Variants in DAB2 observed in about 807,000 individuals in gnomAD.
DAB2 encodes DAB adaptor protein 2, also known as disabled homolog 2.
A neutral mutation model predicts 71.6 loss-of-function variants in DAB2; 28 were observed. That is an observed-to-expected ratio of 0.39 (90% CI 0.29 to 0.54). DAB2 has a LOEUF of 0.54. Ranked by LOEUF, DAB2 falls within the 20% of genes least tolerant of loss-of-function variation. The pLI is 0.68. For synonymous variants in DAB2, 345 were observed against 339.7 expected (o/e 1.02, Z -0.17); for missense variants, 867 against 928.8 (o/e 0.93, Z 0.86).
chr5:39,390,550 T>G lies in DAB2; in HGVS notation c.356A>C (p.Asn119Thr), dbSNP rs756729445. 3 of 1,613,300 alleles carry G rather than the reference T, an allele frequency of 1.9e-6. No individual in the cohort carries two copies. Among genetic ancestry groups the G allele is most frequent in the Non-Finnish European group, 2.5e-6 (3 of 1,179,354 alleles). The change falls in exon 5 of 15, where the codon AAT becomes ACT. Residue 119 changes from asparagine to threonine, a missense_variant. By Grantham distance (65) the Asn-to-Thr change is moderately conservative. Coordinates refer to ENST00000320816, the MANE Select transcript of DAB2 (RefSeq NM_001343.4). ...TGVIEHEHPV[N>T]KISFIARDVT... The stretch of plus-strand genomic sequence containing the variant: ...ATCACGGGCAATGAAAGAAATCTTA[T>G]TTACTGGATGTTCATGCTCTATTAC...
chr5:39,390,131 T>G (rs986769548), intron 5 of DAB2, among the ~76,000 whole-genome samples, 199 bp from the exon 6 acceptor site: 1 of 152,094 alleles, frequency 6.6e-6, no homozygotes, highest in Non-Finnish European at 1.5e-5. Flanking sequence ...TAATAAGTAT[T>G]TAGACAAAAC....
intron 11 of DAB2, among the ~76,000 whole-genome samples, chr5:39,377,819 CT>C (rs959658373): frequency 6.6e-6 from 1 of 152,156 alleles, no homozygotes; most frequent in Non-Finnish European, 1.5e-5. Context: ...TGCACAAGAC[CT>C]CAACATGCTT....
intron 14 of DAB2, among the ~76,000 whole-genome samples, chr5:39,374,267 C>T (rs544986032): frequency 7.0e-6 from 1 of 142,036 alleles, no homozygotes; most frequent in Non-Finnish European, 1.6e-5. Flanking sequence ...AGCTGGCCTA[C>T]CTGCTCTAAA....
At chr5:39,419,664 C>T (rs1345834158) in intron 1 of DAB2, among the ~76,000 whole-genome samples, 1 of 152,086 alleles carries the variant, frequency 6.6e-6, no homozygotes, top group Non-Finnish European at 1.5e-5. Flanking sequence ...GGGTAATGAT[C>T]TAGTTTACTG....
chr5:39,401,222 T>C (rs555147682), intron 1 of DAB2, among the ~76,000 whole-genome samples: 1 of 152,328 alleles, frequency 6.6e-6, no homozygotes, highest in African/African-American at 2.4e-5. Flanking sequence ...AAGGAGTCCT[T>C]AGAAGATTTT....
intron 1 of DAB2, among the ~76,000 whole-genome samples, chr5:39,397,787 T>C (rs1579915261): frequency 6.6e-6 from 1 of 152,192 alleles, no homozygotes; most frequent in Non-Finnish European, 1.5e-5. Flanking sequence ...TTAAAAACCA[T>C]ATTATTTTGG....
intron 1 of DAB2, among the ~76,000 whole-genome samples, chr5:39,407,504 C>T (rs1755634159): frequency 2.0e-5 from 3 of 152,192 alleles, no homozygotes; most frequent in Admixed American, 6.5e-5. Flanking sequence ...CCCGGCCCAC[C>T]ATGCTAGTTT....
intron 1 of DAB2, among the ~76,000 whole-genome samples, chr5:39,407,947 C>T (rs74750286): frequency 0.015 from 2,252 of 152,256 alleles, 43 homozygotes; most frequent in African/African-American, 0.052. Context: ...TCTCCTCTTC[C>T]GAAAACCAGT....
intron 1 of DAB2, among the ~76,000 whole-genome samples, chr5:39,419,336 A>T (rs1425408076): frequency 2.0e-5 from 3 of 152,210 alleles, no homozygotes; most frequent in Non-Finnish European, 4.4e-5. Context: ...ATAGTAGGTA[A>T]TTGCTAAGTA....
intron 1 of DAB2, among the ~76,000 whole-genome samples, chr5:39,420,335 GACA>G (rs1755951000): frequency 6.6e-6 from 1 of 152,156 alleles, no homozygotes; most frequent in Non-Finnish European, 1.5e-5. Flanking sequence ...TTTACCAAGA[GACA>G]ACATTAAACC....
chr5:39,392,314 G>A, intron 4 of DAB2, 51 bp downstream of exon 4: 2 of 1,385,996 alleles, frequency 1.4e-6, no homozygotes, highest in Non-Finnish European at 2.1e-6. Flanking sequence ...GTAGCAAATT[G>A]TTGGTCAGAC....
Position 39,390,528 on chromosome 5 carries a change from A to G in DAB2, c.378T>C (p.Arg126=), listed in dbSNP as rs372578582. 1.2e-4 allele frequency: 197 copies of G among 1,613,560 alleles called. No homozygotes were observed. Among genetic ancestry groups the G allele is most frequent in the Middle Eastern group, 8.2e-4 (5 of 6,084 alleles). Residue 126 remains arginine, a synonymous_variant, in exon 5 of 15, where the codon CGT becomes CGC. Transcript: ENST00000320816. ...CAAATGCCCGGTTGTCTGTCACATC[A>G]CGGGCAATGAAAGAAATCTTATTTA... The part of the protein sequence containing the change: ...HPVNKISFIA[R]DVTDNRAFGY...
chr5:39,393,174 G>A, intron 3 of DAB2, 80 bp downstream of exon 3: 1 of 1,424,682 alleles, frequency 7.0e-7, no homozygotes, highest in South Asian at 1.3e-5. Flanking sequence ...TTGAACAATA[G>A]GTCAACAAGA....
chr5:39,423,014 G>A (rs1304263107), intron 1 of DAB2, among the ~76,000 whole-genome samples: 1 of 152,138 alleles, frequency 6.6e-6, no homozygotes, highest in African/African-American at 2.4e-5. Flanking sequence ...TCCCCAGAAT[G>A]GCAAATACAT....
intron 11 of DAB2, among the ~76,000 whole-genome samples, chr5:39,381,122 C>CT (rs1328638416): frequency 6.6e-6 from 1 of 152,216 alleles, no homozygotes; most frequent in African/African-American, 2.4e-5. Flanking sequence ...ACAAGCCTCT[C>CT]TTATGTCAAC....
Position 39,405,545 on chromosome 5 carries a change from G to A in DAB2, c.-101-11124C>T, listed in dbSNP as rs562134826. 1.5e-4 allele frequency among the ~76,000 whole-genome samples: 23 copies of A among 152,348 alleles called. No individual in the cohort carries two copies. The East Asian group carries it at 3.7e-3, about 24-fold the overall frequency. On this transcript the variant is annotated intron_variant, in intron 1 of 14. Coordinates refer to ENST00000320816, the MANE Select transcript of DAB2 (RefSeq NM_001343.4). Reference sequence around the variant, plus strand: ...CTTTACATCAGGGACCATTTGGTACGTGAGTTTCATATATCTCAAGCAAGC... The same window carrying A: ...CTTTACATCAGGGACCATTTGGTACATGAGTTTCATATATCTCAAGCAAGC...
intron 11 of DAB2, 33 bp downstream of exon 11, chr5:39,381,421 G>C (rs747598199): frequency 5.0e-6 from 8 of 1,599,264 alleles, no homozygotes; most frequent in Non-Finnish European, 6.8e-6. Context: ...AAAAGCAAAA[G>C]AGTCATACTT....
At chr5:39,423,537 G>A (rs964865024) in intron 1 of DAB2, among the ~76,000 whole-genome samples, 1 of 152,146 alleles carries the variant, frequency 6.6e-6, no homozygotes, top group Non-Finnish European at 1.5e-5. Context: ...CTCCCCAACA[G>A]CCAGTAGGTG....
At chr5:39,406,070 C>G (rs975303527) in intron 1 of DAB2, among the ~76,000 whole-genome samples, 7 of 152,184 alleles carry the variant, frequency 4.6e-5, no homozygotes, top group African/African-American at 1.7e-4. Context: ...ATCTGGGAAG[C>G]TGGTGAACAA....
Sources: allele counts gnomAD v4.1 joint callset (sites outside exome capture counted in the v4.1 genomes callset), GRCh38; gene constraint gnomAD v4.1.1; transcripts MANE v1.5; gene names NCBI Gene and HGNC (gene_info 2026-07-23, HGNC 2026-07-21).